The following PTPRO variants were observed in gnomAD, a reference collection of about 807,000 sequenced individuals.
PTPRO encodes receptor-type tyrosine-protein phosphatase O.
Under a neutral mutation model 145.2 loss-of-function variants are expected in PTPRO, and 62 were observed. That is an observed-to-expected ratio of 0.43 (90% CI 0.35 to 0.53). PTPRO has a LOEUF of 0.53. PTPRO is among the 20% of genes least tolerant of loss of function. The pLI, the probability that PTPRO is intolerant of heterozygous loss-of-function variation, is 0.01. For missense variants in PTPRO, 1,345 were observed against 1,482.7 expected (o/e 0.91, Z 1.53); for synonymous variants, 565 against 514.7 (o/e 1.10, Z -1.32).
chr12:15,517,377 C>T (rs1942622272), intron 9 of PTPRO, among the ~76,000 whole-genome samples: 1 of 152,206 alleles, frequency 6.6e-6, no homozygotes, highest in Non-Finnish European at 1.5e-5. Context: ...TCGCACAACA[C>T]TTGGGAATTC....
intron 12 of PTPRO, among the ~76,000 whole-genome samples, chr12:15,528,994 C>T: frequency 6.6e-6 from 1 of 152,148 alleles, no homozygotes; most frequent in South Asian, 2.1e-4. Context: ...CCAGACCTGT[C>T]ATACAAGAAA....
chr12:15,403,152 G>A (rs762354281), intron 1 of PTPRO, among the ~76,000 whole-genome samples: 7 of 152,108 alleles, frequency 4.6e-5, no homozygotes, highest in Admixed American at 1.3e-4. Context: ...CCTGAATGGC[G>A]TGGTCTCTTC....
intron 1 of PTPRO, among the ~76,000 whole-genome samples, chr12:15,385,324 A>G (rs1158886674): frequency 6.6e-6 from 1 of 152,140 alleles, no homozygotes; most frequent in Non-Finnish European, 1.5e-5. Flanking sequence ...TATAACGTTG[A>G]TGCTTCCTCA....
intron 15 of PTPRO, among the ~76,000 whole-genome samples, chr12:15,553,881 A>G (rs1408376997): frequency 6.6e-6 from 1 of 152,206 alleles, no homozygotes; most frequent in Non-Finnish European, 1.5e-5. Context: ...AAATAGGAGC[A>G]ACAGGATTTG....
At chr12:15,432,121 T>C (rs377109553) in intron 1 of PTPRO, among the ~76,000 whole-genome samples, 2 of 152,136 alleles carry the variant, frequency 1.3e-5, no homozygotes, top group East Asian at 3.9e-4. Flanking sequence ...CTAGTACCCA[T>C]TTGTTATTTT....
Position 15,477,237 on chromosome 12 carries a change from A to G in PTPRO, c.76-6737A>G, listed in dbSNP as rs1181226. ...GAAATTGGAAACCATCATTCTCAGTAAACTATCGCAAGAACAAAAAACCAA... is the reference window on the plus strand; with the variant it reads ...GAAATTGGAAACCATCATTCTCAGTGAACTATCGCAAGAACAAAAAACCAA... On this transcript the variant is annotated intron_variant, in intron 1 of 26. Transcript: ENST00000281171. Among the ~76,000 whole-genome samples the G allele has an allele frequency of 9.5e-3, 1,108 of 116,028 alleles. 21 individuals are homozygous for G. Among genetic ancestry groups the G allele is most frequent in the East Asian group, 0.078 (255 of 3,250 alleles). 76.1% of individuals were successfully genotyped at this position (116,028 alleles called of 152,430 possible).
Position 15,323,273 on chromosome 12 carries a change from G to C in PTPRO, c.75+472G>C, listed in dbSNP as rs554163063. 5.9e-5 allele frequency among the ~76,000 whole-genome samples: 9 copies of C among 152,236 alleles called. No homozygotes were observed. The East Asian group carries it at 1.7e-3, about 29-fold the overall frequency. On this transcript the variant is annotated intron_variant, in intron 1 of 26. Coordinates refer to ENST00000281171, the MANE Select transcript of PTPRO (RefSeq NM_030667.3). ...TCCCTGGACACAAATGGACTGCCAG[G>C]GCTACGTTAGGGCAGAATTTTCTTT... is the stretch of plus-strand genomic sequence containing the variant.
At chr12:15,499,285 C>T (rs575287091) in intron 3 of PTPRO, among the ~76,000 whole-genome samples, 157 bp from the exon 4 acceptor site, 1 of 152,286 alleles carries the variant, frequency 6.6e-6, no homozygotes, top group South Asian at 2.1e-4. Context: ...TTCAACGTTT[C>T]ATCTCTAGCC....
Position 15,519,997 on chromosome 12 carries a change from T to C in PTPRO, c.1780-204T>C, listed in dbSNP as rs567571920. Among the ~76,000 whole-genome samples the C allele has an allele frequency of 3.3e-5, 5 of 152,344 alleles. No individual in the cohort carries two copies. The East Asian group carries it at 9.6e-4, about 29-fold the overall frequency. ...TTGGCTCTATATCTTTAAATCACTT[T>C]TAAAAATTTATATTTTTGTATTTTA... On this transcript the variant is annotated intron_variant, in intron 9 of 26. Transcript: ENST00000281171.
chr12:15,487,531 C>CAATTAT (rs1941914832), intron 2 of PTPRO, among the ~76,000 whole-genome samples: 1 of 152,242 alleles, frequency 6.6e-6, no homozygotes, highest in African/African-American at 2.4e-5. Flanking sequence ...TTCTTGCTGT[C>CAATTAT]CTCTTAGTGG....
chr12:15,448,147 G>T (rs926896328), intron 1 of PTPRO, among the ~76,000 whole-genome samples: 1 of 151,728 alleles, frequency 6.6e-6, no homozygotes, highest in Non-Finnish European at 1.5e-5. Context: ...TAGCCTATAA[G>T]ATATCAAAAT....
intron 1 of PTPRO, among the ~76,000 whole-genome samples, chr12:15,434,890 T>A (rs1032022738): frequency 1.3e-5 from 2 of 152,222 alleles, no homozygotes; most frequent in African/African-American, 4.8e-5. Flanking sequence ...TCCATAATAA[T>A]TTTGCCCTTT....
intron 6 of PTPRO, among the ~76,000 whole-genome samples, chr12:15,508,344 T>C (rs1717558115): frequency 6.6e-6 from 1 of 152,174 alleles, no homozygotes; most frequent in African/African-American, 2.4e-5. Flanking sequence ...GAAGTGGCAC[T>C]TTTGTTTCTG....
intron 2 of PTPRO, among the ~76,000 whole-genome samples, chr12:15,485,578 C>T (rs1473532463): frequency 2.0e-5 from 3 of 151,902 alleles, no homozygotes; most frequent in African/African-American, 2.4e-5. Flanking sequence ...AGGAGAGACC[C>T]GGGGGGAAAA....
rs1591689348 is a variant in PTPRO, at chr12:15,527,806, A to G, written c.2164+1544A>G. Among the ~76,000 whole-genome samples the G allele has an allele frequency of 2.6e-5, 4 of 152,326 alleles. No homozygotes were observed. In the South Asian group the frequency reaches 8.3e-4, roughly 32 times the overall value. The stretch of plus-strand genomic sequence containing the variant: ...AGGCAGACAAAGGAAAGTGGACTAA[A>G]TAGTTAATTATTTAATGCAAAGACA... On this transcript the variant is annotated intron_variant, in intron 12 of 26. Coordinates refer to ENST00000281171, the MANE Select transcript of PTPRO (RefSeq NM_030667.3).
Position 15,515,995 on chromosome 12 carries a change from T to TTTTG in PTPRO, c.1585+380_1585+381insGTTT, listed in dbSNP as rs1565677968. On this transcript the variant is annotated intron_variant, in intron 8 of 26. Coordinates refer to ENST00000281171, the MANE Select transcript of PTPRO (RefSeq NM_030667.3). ...TGTCTGGTTTTTTTTTTGTTTTGTT[T>TTTTG]TTTTTTTTTTTTGGAGACAGAGTCT... Among the ~76,000 whole-genome samples the TTTTG allele has an allele frequency of 1.8e-4, 24 of 137,104 alleles. No individual in the cohort carries two copies. In the East Asian group the frequency reaches 2.3e-3, roughly 13 times the overall value. 89.9% of individuals were successfully genotyped at this position (137,104 alleles called of 152,430 possible). A position where few individuals can be genotyped will look rare whatever the true frequency, so the allele number is the denominator to read the frequency against.
chr12:15,516,799 T>G lies in PTPRO; in HGVS notation c.1622T>G (p.Leu541Trp), dbSNP rs775350430. The change falls in exon 9 of 27, where the codon TTG becomes TGG. Residue 541 changes from leucine to tryptophan, a missense_variant. This residue lies in a region of PTPRO where 1,130 missense variants were observed against 1,214.7 expected (regional missense o/e 0.93). Coordinates refer to ENST00000281171, the MANE Select transcript of PTPRO (RefSeq NM_030667.3). ...ATAAAGGATTTAATGCTCTATCCTT[T>G]GGGTCCTACGGCCGTGGTTCTGAGC... is the stretch of plus-strand genomic sequence containing the variant. ...TGIKDLMLYP[L>W]GPTAVVLSWT... 3.1e-6 allele frequency: 5 copies of G among 1,611,712 alleles called. No homozygotes were observed. In the Admixed American group the frequency reaches 8.3e-5, roughly 27 times the overall value.
At chr12:15,531,827 T>C (rs1942968355) in intron 12 of PTPRO, among the ~76,000 whole-genome samples, 1 of 152,232 alleles carries the variant, frequency 6.6e-6, no homozygotes. Flanking sequence ...ACATAGTTAA[T>C]GCAATTTAGT....
At chr12:15,352,143 C>T (rs1214668063) in intron 1 of PTPRO, among the ~76,000 whole-genome samples, 1 of 152,182 alleles carries the variant, frequency 6.6e-6, no homozygotes, top group Non-Finnish European at 1.5e-5. Flanking sequence ...CTGCGCCCAG[C>T]ATGTAGCTCT....
Sources: allele counts gnomAD v4.1 joint callset (sites outside exome capture counted in the v4.1 genomes callset), GRCh38; gene constraint gnomAD v4.1.1; regional missense constraint gnomAD v4.1.1; transcripts MANE v1.5; gene names NCBI Gene and HGNC (gene_info 2026-07-23, HGNC 2026-07-21).